SPTLC2: variants seen among roughly 807,000 people sequenced by gnomAD.
The protein encoded by SPTLC2 is serine palmitoyltransferase 2.
Under a neutral mutation model 62.0 loss-of-function variants are expected in SPTLC2, and 21 were observed. The ratio of observed to expected loss-of-function variants is 0.34; its 90% CI spans 0.24 to 0.49. SPTLC2 has a LOEUF of 0.49. SPTLC2 is among the 20% of genes least tolerant of loss of function. The probability of loss-of-function intolerance (pLI) is 0.99; values close to 1 mark genes in which losing one functional copy is unlikely to be tolerated. For missense variants in SPTLC2, 511 were observed against 713.0 expected (o/e 0.72, Z 3.23); for synonymous variants, 261 against 261.8 (o/e 1.00, Z 0.03).
chr14:77,530,527 C>T (rs150502974), intron 9 of SPTLC2, among the ~76,000 whole-genome samples: 2,327 of 152,200 alleles, frequency 0.015, 61 homozygotes, highest in African/African-American at 0.053. Context: ...CAGGGTTTCA[C>T]CACGTTGGCC....
chr14:77,610,992 C>CAAAAA (rs61504970), intron 1 of SPTLC2, among the ~76,000 whole-genome samples: 2 of 106,830 alleles, frequency 1.9e-5, no homozygotes, highest in African/African-American at 3.8e-5. Context: ...CCCATCTCTA[C>CAAAAA]AAAAAAAAAA....
intron 11 of SPTLC2, among the ~76,000 whole-genome samples, chr14:77,514,023 A>C (rs1433166239): frequency 6.6e-6 from 1 of 152,064 alleles, no homozygotes; most frequent in South Asian, 2.1e-4. Context: ...CAACATAGTA[A>C]GACCTCGTCT....
intron 8 of SPTLC2, among the ~76,000 whole-genome samples, chr14:77,554,088 G>C (rs937434101): frequency 2.6e-5 from 4 of 152,158 alleles, no homozygotes; most frequent in African/African-American, 9.7e-5. Flanking sequence ...AAAGTGCTGG[G>C]ATTACAGGTG....
chr14:77,580,554 GAAA>G (rs11322822), intron 2 of SPTLC2, among the ~76,000 whole-genome samples: 39,372 of 129,454 alleles, frequency 0.3, 5,398 homozygotes, highest in East Asian at 0.33. Flanking sequence ...TTTTAAAAAA[GAAA>G]AAAAAAAAAA....
At chr14:77,579,858 A>C (rs1471974280) in intron 2 of SPTLC2, among the ~76,000 whole-genome samples, 1 of 152,240 alleles carries the variant, frequency 6.6e-6, no homozygotes, top group African/African-American at 2.4e-5. Context: ...GACATATATT[A>C]CATGGTTTCA....
chr14:77,518,213 C>T, intron 10 of SPTLC2, 46 bp from the exon 11 acceptor site: 1 of 1,612,956 alleles, frequency 6.2e-7, no homozygotes. Flanking sequence ...AGTGAAAAAG[C>T]ACTCATTACA....
At chr14:77,570,990 T>C (rs2079679104) in intron 4 of SPTLC2, among the ~76,000 whole-genome samples, 1 of 152,074 alleles carries the variant, frequency 6.6e-6, no homozygotes, top group South Asian at 2.1e-4. Context: ...GAAACAGAGA[T>C]GCCCAGCCAG....
intron 4 of SPTLC2, among the ~76,000 whole-genome samples, chr14:77,574,614 T>C (rs2079703537): frequency 6.6e-6 from 1 of 152,106 alleles, no homozygotes; most frequent in Non-Finnish European, 1.5e-5. Flanking sequence ...AAGTGATAAG[T>C]GGATAAACAA....
At chr14:77,522,203 G>A (rs533765095) in intron 9 of SPTLC2, among the ~76,000 whole-genome samples, 16 of 149,852 alleles carry the variant, frequency 1.1e-4, no homozygotes, top group South Asian at 8.5e-4. Flanking sequence ...TCACTCTGTC[G>A]CCCAGGCTGG....
chr14:77,579,088 C>T lies in SPTLC2; in HGVS notation c.349G>A (p.Asp117Asn). Residue 117 changes from aspartate to asparagine, a missense_variant, in exon 3 of 12, where the codon GAT becomes AAT. By Grantham distance (23) the Asp-to-Asn change is conservative. Coordinates refer to ENST00000216484, the MANE Select transcript of SPTLC2 (RefSeq NM_004863.4). Reference sequence around the variant, plus strand: ...TTCCTTGTATAAAAGTTTTCAAAATCTTGATACAATGACACAAAGTCCTGC... The same window carrying T: ...TTCCTTGTATAAAAGTTTTCAAAATTTTGATACAATGACACAAAGTCCTGC... ...EQKDFVSLYQDFENFYTRNLY... is the reference protein window; with the variant it reads ...EQKDFVSLYQNFENFYTRNLY... The T allele has an allele frequency of 6.2e-7, 1 of 1,614,064 alleles. No individual in the cohort carries two copies. The highest frequency in any genetic ancestry group is 8.5e-7 in the Non-Finnish European group (1 of 1,179,980).
chr14:77,540,836 T>C (rs1021861753), intron 9 of SPTLC2, among the ~76,000 whole-genome samples: 3 of 152,218 alleles, frequency 2.0e-5, no homozygotes, highest in Non-Finnish European at 2.9e-5. Context: ...CATAAGTCCA[T>C]ATATACCAGT....
At chr14:77,567,132 G>A (rs1190404394) in intron 5 of SPTLC2, among the ~76,000 whole-genome samples, 5 of 151,892 alleles carry the variant, frequency 3.3e-5, no homozygotes, top group African/African-American at 7.3e-5. Context: ...CACCACGCCC[G>A]GCTAATTTGT....
intron 9 of SPTLC2, among the ~76,000 whole-genome samples, chr14:77,543,030 C>T (rs1307867532): frequency 6.6e-6 from 1 of 152,170 alleles, no homozygotes; most frequent in Non-Finnish European, 1.5e-5. Context: ...GGTGCCAACC[C>T]ACAGGCAGGA....
intron 1 of SPTLC2, among the ~76,000 whole-genome samples, chr14:77,601,812 C>G (rs940357649): frequency 6.6e-6 from 1 of 152,216 alleles, no homozygotes; most frequent in Non-Finnish European, 1.5e-5. Flanking sequence ...TCAATCTCTC[C>G]CTTCTCTTAA....
At chr14:77,594,086 A>G (rs1012760987) in intron 2 of SPTLC2, among the ~76,000 whole-genome samples, 2 of 152,130 alleles carry the variant, frequency 1.3e-5, no homozygotes, top group African/African-American at 4.8e-5. Context: ...TCAGCCTCCC[A>G]TTTCCTTGTA....
intron 9 of SPTLC2, among the ~76,000 whole-genome samples, chr14:77,537,202 G>A (rs1182430026): frequency 6.6e-6 from 1 of 151,724 alleles, no homozygotes; most frequent in Non-Finnish European, 1.5e-5. Context: ...ACAGACGTGA[G>A]CCACTGCACC....
chr14:77,616,353 T>A (rs922060323), intron 1 of SPTLC2, 95 bp downstream of exon 1: 1 of 743,904 alleles, frequency 1.3e-6, no homozygotes, highest in Middle Eastern at 4.8e-4. Flanking sequence ...GCCCCGCGGA[T>A]TGCCCAGCGG....
intron 2 of SPTLC2, among the ~76,000 whole-genome samples, chr14:77,596,688 C>T (rs551455622): frequency 7.9e-5 from 12 of 152,284 alleles, no homozygotes; most frequent in Admixed American, 7.2e-4. Flanking sequence ...TGTATTACAG[C>T]TTGTTTGTCT....
At chr14:77,526,149 G>A (rs1302395841) in intron 9 of SPTLC2, among the ~76,000 whole-genome samples, 1 of 152,200 alleles carries the variant, frequency 6.6e-6, no homozygotes, top group Non-Finnish European at 1.5e-5. Context: ...CTCTTAAAGT[G>A]AAACTGAATC....
Sources: allele counts gnomAD v4.1 joint callset (sites outside exome capture counted in the v4.1 genomes callset), GRCh38; gene constraint gnomAD v4.1.1; transcripts MANE v1.5; gene names NCBI Gene and HGNC (gene_info 2026-07-23, HGNC 2026-07-21).